The following DOCK1 variants were observed in gnomAD, a reference collection of about 807,000 sequenced individuals.
DOCK1 encodes the protein dedicator of cytokinesis protein 1.
Under a neutral mutation model 262.7 loss-of-function variants are expected in DOCK1, and 138 were observed. The ratio of observed to expected loss-of-function variants is 0.53; its 90% CI spans 0.46 to 0.61. DOCK1 has a LOEUF of 0.61. Ranked by LOEUF, DOCK1 falls within the 20% of genes least tolerant of loss-of-function variation. The pLI is 0.00. For missense variants in DOCK1, 1,908 were observed against 2,370.7 expected (o/e 0.80, Z 4.05); for synonymous variants, 866 against 867.4 (o/e 1.00, Z 0.03).
At chr10:127,321,538 C>A (rs779254485) in intron 29 of DOCK1, among the ~76,000 whole-genome samples, 35 of 151,656 alleles carry the variant, frequency 2.3e-4, no homozygotes, top group Admixed American at 6.6e-4. Context: ...CAACTCTTGA[C>A]CTTCACCTGA....
At chr10:127,303,414 T>C (rs1038340825) in intron 29 of DOCK1, among the ~76,000 whole-genome samples, 17 of 152,240 alleles carry the variant, frequency 1.1e-4, no homozygotes, top group African/African-American at 3.9e-4. Flanking sequence ...AGAAGAGAGC[T>C]CAGAGGAGCC....
intron 1 of DOCK1, among the ~76,000 whole-genome samples, chr10:126,954,212 C>T (rs956886205): frequency 3.3e-5 from 5 of 152,194 alleles, no homozygotes; most frequent in Non-Finnish European, 7.3e-5. Context: ...TAAAATATAA[C>T]ATTGCTCATC....
chr10:127,021,836 A>T (rs1328608011), intron 13 of DOCK1, among the ~76,000 whole-genome samples: 1 of 152,170 alleles, frequency 6.6e-6, no homozygotes. Context: ...TTAAAAGAAA[A>T]AAAAAAGCCA....
intron 27 of DOCK1, among the ~76,000 whole-genome samples, chr10:127,212,393 G>T (rs1187174169): frequency 6.6e-6 from 1 of 152,180 alleles, no homozygotes; most frequent in Non-Finnish European, 1.5e-5. Context: ...ATGCTTGAAG[G>T]AATATGCAAG....
chr10:127,181,401 C>T (rs906590854), intron 27 of DOCK1, among the ~76,000 whole-genome samples: 5 of 152,104 alleles, frequency 3.3e-5, no homozygotes, highest in Non-Finnish European at 7.3e-5. Flanking sequence ...TTAAAATGTC[C>T]GTGCTGATTT....
In DOCK1 at chr10:127,404,326, A is replaced by G. The variant is rs771320376; in HGVS notation, c.4019A>G (p.Lys1340Arg). 187 of 1,612,962 alleles carry G rather than the reference A, an allele frequency of 1.2e-4. No homozygotes were observed. Among genetic ancestry groups the G allele is most frequent in the Non-Finnish European group, 1.5e-4 (181 of 1,179,514 alleles). Residue 1340 changes from lysine (K) to arginine (R), a missense_variant and splice_region_variant, in exon 40 of 52, where the codon AAA (lysine) becomes AGA (arginine). By Grantham distance (26) the Lys-to-Arg change is conservative. Coordinates refer to ENST00000623213, the MANE Select transcript of DOCK1 (RefSeq NM_001290223.2). ...ATGCATTTTCTTTTTTCCTTCCAGA[A>G]AAAACAGGCTCAGTTTTATGAAAAC... ...FDYEQLSELL[K>R]KQAQFYENIV...
chr10:126,985,799 G>C (rs2039337503), intron 4 of DOCK1, among the ~76,000 whole-genome samples: 1 of 152,154 alleles, frequency 6.6e-6, no homozygotes, highest in African/African-American at 2.4e-5. Context: ...TGTTTTAATA[G>C]TCATGTTCTT....
chr10:127,121,130 A>G (rs1005075777), intron 25 of DOCK1, among the ~76,000 whole-genome samples: 1 of 152,158 alleles, frequency 6.6e-6, no homozygotes, highest in Non-Finnish European at 1.5e-5. Context: ...CCCAAATCCC[A>G]TAAAGTGACC....
intron 1 of DOCK1, among the ~76,000 whole-genome samples, chr10:126,933,766 C>G (rs2034353625): frequency 2.0e-5 from 3 of 152,254 alleles, no homozygotes; most frequent in African/African-American, 7.2e-5. Flanking sequence ...CCATTTGAAC[C>G]TCTCCAACAT....
chr10:127,314,040 C>T (rs974925362), intron 29 of DOCK1, among the ~76,000 whole-genome samples: 11 of 152,078 alleles, frequency 7.2e-5, no homozygotes, highest in Admixed American at 7.2e-4. Flanking sequence ...CCTTTCATGC[C>T]CGTGAATAAT....
chr10:127,072,060 G>A (rs114292950), intron 23 of DOCK1, among the ~76,000 whole-genome samples: 1,547 of 152,196 alleles, frequency 0.01, 23 homozygotes, highest in African/African-American at 0.034. Flanking sequence ...TCTCTTGTTA[G>A]GTGCTCCTCC....
chr10:127,035,570 C>T (rs1409611489), intron 18 of DOCK1, among the ~76,000 whole-genome samples: 1 of 152,112 alleles, frequency 6.6e-6, no homozygotes, highest in East Asian at 1.9e-4. Context: ...GTGCCACCAA[C>T]TTTGAATGAA....
chr10:127,007,223 G>A (rs12241242), intron 10 of DOCK1, among the ~76,000 whole-genome samples: 3,815 of 152,230 alleles, frequency 0.025, 168 homozygotes, highest in African/African-American at 0.085. Flanking sequence ...TGTGGGTGTC[G>A]TCTCTTACGA....
At chr10:127,259,977 A>G (rs1054003265) in intron 29 of DOCK1, among the ~76,000 whole-genome samples, 2 of 152,044 alleles carry the variant, frequency 1.3e-5, no homozygotes, top group African/African-American at 2.4e-5. Context: ...TGGGAGTGCT[A>G]TGGTTCTGGT....
chr10:127,107,888 G>A (rs59995181), intron 24 of DOCK1, among the ~76,000 whole-genome samples: 2,652 of 152,306 alleles, frequency 0.017, 83 homozygotes, highest in African/African-American at 0.058. Context: ...CACCCGCGGA[G>A]GGGTATCGTC....
chr10:127,439,827 G>A (rs1325538047), intron 49 of DOCK1, among the ~76,000 whole-genome samples: 1 of 152,126 alleles, frequency 6.6e-6, no homozygotes, highest in Non-Finnish European at 1.5e-5. Context: ...CTTGAAGACG[G>A]GTCCCAGTGA....
At chr10:127,279,480 T>C (rs2060865999) in intron 29 of DOCK1, among the ~76,000 whole-genome samples, 1 of 152,242 alleles carries the variant, frequency 6.6e-6, no homozygotes, top group East Asian at 1.9e-4. Context: ...AGGCATGAGG[T>C]CATCCAATAA....
Position 127,018,853 on chromosome 10 carries a change from C to G in DOCK1, c.1327+18C>G, listed in dbSNP as rs758316249. 5.0e-6 allele frequency: 8 copies of G among 1,611,946 alleles called. No individual in the cohort carries two copies. The highest frequency in any genetic ancestry group is 1.7e-4 in the Middle Eastern group (1 of 6,050). On this transcript the variant is annotated intron_variant, in intron 13 of 51. Coordinates refer to ENST00000623213, the MANE Select transcript of DOCK1 (RefSeq NM_001290223.2). ...CATGCCTGGTAAGAACTGGCTTGTT[C>G]AGGGCTTCTCAGCATGGCATGGGGG...
chr10:127,211,800 G>A (rs1257331989), intron 27 of DOCK1, among the ~76,000 whole-genome samples: 1 of 152,126 alleles, frequency 6.6e-6, no homozygotes, highest in African/African-American at 2.4e-5. Flanking sequence ...AATCCTCATG[G>A]GATGTGCGCT....
Sources: allele counts gnomAD v4.1 joint callset (sites outside exome capture counted in the v4.1 genomes callset), GRCh38; gene constraint gnomAD v4.1.1; transcripts MANE v1.5; gene names NCBI Gene and HGNC (gene_info 2026-07-23, HGNC 2026-07-21).